The following SDK1 variants were observed in gnomAD, a reference collection of about 807,000 sequenced individuals.
SDK1 encodes sidekick cell adhesion molecule 1, also known as protein sidekick-1.
Under a neutral mutation model 245.5 loss-of-function variants are expected in SDK1, and 157 were observed. That is an observed-to-expected ratio of 0.64 (90% CI 0.56 to 0.73). The LOEUF (loss-of-function observed/expected upper bound fraction) is 0.73, where lower values mean the gene tolerates loss of function less well. Among genes scored for constraint, SDK1 ranks in the 30% least tolerant of loss-of-function variants. SDK1 has a pLI of 0.00. For missense variants in SDK1, 3,583 were observed against 3,002.3 expected, an observed-to-expected ratio of 1.19 and a Z score of -4.52; for synonymous variants, 1,647 against 1,278.5, an observed-to-expected ratio of 1.29 and a Z score of -6.15.
chr7:3,755,909 A>G (rs1479996408), intron 4 of SDK1, among the ~76,000 whole-genome samples: 4 of 151,464 alleles, frequency 2.6e-5, no homozygotes, highest in African/African-American at 9.7e-5. Flanking sequence ...AATCTGACTC[A>G]CATGGCATAG....
chr7:3,545,144 T>C (rs182019896), intron 1 of SDK1, among the ~76,000 whole-genome samples: 1 of 152,164 alleles, frequency 6.6e-6, no homozygotes, highest in African/African-American at 2.4e-5. Flanking sequence ...AAGCCAACTT[T>C]AGGAGAGAGT....
Position 4,113,343 on chromosome 7 carries a change from C to T in SDK1, c.3489C>T (p.Ser1163=), listed in dbSNP as rs1296960851. The change falls in exon 24 of 45, where the codon TCC becomes TCT. Residue 1163 remains serine, a synonymous_variant. Transcript: ENST00000404826. ...IVGPSPYSPS[S]RVIQTLQAPP... is the part of the protein sequence containing the mutation. ...GGCCGAGCCCCTACAGTCCGTCTTC[C>T]CGGGTCATCCAGACCCTGCAGGCCC... 6.2e-7 allele frequency: 1 copy of T among 1,614,034 alleles called. No individual in the cohort carries two copies. The highest frequency in any genetic ancestry group is 8.5e-7 in the Non-Finnish European group (1 of 1,180,040).
rs1037204482 is a variant in SDK1 at position 3,491,777 on chromosome 7, G to A, written c.299-127303G>A. ...AGCTGGAACAATAAATACAAATTTC[G>A]TTGGCAAGACAAATACTTTTTCTCA... On this transcript the variant is annotated intron_variant, in intron 1 of 44. Transcript: ENST00000404826. 4.6e-5 allele frequency among the ~76,000 whole-genome samples: 7 copies of A among 152,104 alleles called. No homozygotes were observed. The South Asian group carries it at 8.3e-4, about 18-fold the overall frequency.
chr7:3,498,978 A>G (rs936155480), intron 1 of SDK1, among the ~76,000 whole-genome samples: 1 of 152,182 alleles, frequency 6.6e-6, no homozygotes, highest in Non-Finnish European at 1.5e-5. Flanking sequence ...TTATTGGTTG[A>G]TTGGTAAGAA....
chr7:3,952,894 G>C (rs755412994), intron 7 of SDK1, among the ~76,000 whole-genome samples: 1 of 152,188 alleles, frequency 6.6e-6, no homozygotes, highest in Non-Finnish European at 1.5e-5. Flanking sequence ...GTTAAGTTGT[G>C]AGGCAAGTGA....
intron 1 of SDK1, chr7:3,338,631 C>CAAA (rs5881978): frequency 5.4e-6 from 1 of 185,478 alleles, no homozygotes; most frequent in Non-Finnish European, 1.1e-5. Flanking sequence ...AACAAACAAA[C>CAAA]AAAAAAAAAC....
Position 4,205,891 on chromosome 7 carries a change from C to T in SDK1, c.5111C>T (p.Ala1704Val). 2 of 1,554,484 alleles carry T rather than the reference C, an allele frequency of 1.3e-6. No homozygotes were observed. The highest frequency in any genetic ancestry group is 1.7e-4 in the Middle Eastern group (1 of 5,992). ...GCTCTTTCCTCAGCCCCGGCCATGG[C>T]CCCGCAGAACGTGCAGGTGACCCCA... ...VFVGEAAPAM[A>V]PQNVQVTPLT... The change falls in exon 36 of 45, where the codon GCC becomes GTC. Residue 1704 changes from alanine (A) to valine (V), a missense_variant. Transcript: ENST00000404826.
chr7:3,865,975 C>G (rs991678542), intron 5 of SDK1, among the ~76,000 whole-genome samples: 4 of 152,150 alleles, frequency 2.6e-5, no homozygotes, highest in Non-Finnish European at 4.4e-5. Flanking sequence ...AGCAGCGGAC[C>G]TGCTGGTACA....
At chr7:3,539,720 C>T (rs913482645) in intron 1 of SDK1, among the ~76,000 whole-genome samples, 1 of 152,224 alleles carries the variant, frequency 6.6e-6, no homozygotes, top group African/African-American at 2.4e-5. Context: ...TCATCCACAT[C>T]AGGGTGAGTA....
chr7:3,707,137 T>C (rs745408953), intron 4 of SDK1, among the ~76,000 whole-genome samples: 5 of 152,226 alleles, frequency 3.3e-5, no homozygotes, highest in Non-Finnish European at 7.3e-5. Flanking sequence ...CCTTGAGATA[T>C]GACATTAGAT....
intron 19 of SDK1, among the ~76,000 whole-genome samples, chr7:4,056,889 G>A (rs900187567): frequency 6.6e-5 from 10 of 151,928 alleles, no homozygotes; most frequent in Admixed American, 3.3e-4. Flanking sequence ...CCCGGCTCCC[G>A]ACAGCCTCTG....
At chr7:3,912,215 G>A (rs888276213) in intron 5 of SDK1, among the ~76,000 whole-genome samples, 4 of 152,184 alleles carry the variant, frequency 2.6e-5, no homozygotes, top group Non-Finnish European at 5.9e-5. Context: ...GAGAGGATGA[G>A]CCAGTGGATC....
At chr7:3,434,400 G>C (rs1354157870) in intron 1 of SDK1, among the ~76,000 whole-genome samples, 1 of 152,152 alleles carries the variant, frequency 6.6e-6, no homozygotes, top group South Asian at 2.1e-4. Context: ...GAGGCTATGT[G>C]CCCTACGCCA....
chr7:3,364,551 G>A (rs998923339), intron 1 of SDK1, among the ~76,000 whole-genome samples: 3 of 151,934 alleles, frequency 2.0e-5, no homozygotes, highest in African/African-American at 7.2e-5. Context: ...TTTCTCCATT[G>A]AATTTTTTTT....
At chr7:3,821,357 G>A in intron 4 of SDK1, 93 bp from the exon 5 acceptor site, 8 of 1,386,326 alleles carry the variant, frequency 5.8e-6, no homozygotes, top group Non-Finnish European at 6.9e-6. Context: ...TAAACTCTAG[G>A]CATTCCTTTA....
intron 10 of SDK1, among the ~76,000 whole-genome samples, chr7:3,967,665 G>A (rs1782183460): frequency 6.6e-6 from 1 of 152,230 alleles, no homozygotes; most frequent in Admixed American, 6.5e-5. Context: ...GGATGAAACT[G>A]TTCCATCTCA....
chr7:3,472,448 A>G (rs764720946), intron 1 of SDK1, among the ~76,000 whole-genome samples: 1 of 152,210 alleles, frequency 6.6e-6, no homozygotes, highest in Non-Finnish European at 1.5e-5. Context: ...GGACAAGGCT[A>G]ACTAAAAAGT....
At chr7:3,577,241 A>T (rs1255052491) in intron 1 of SDK1, among the ~76,000 whole-genome samples, 2 of 151,992 alleles carry the variant, frequency 1.3e-5, no homozygotes, top group African/African-American at 4.8e-5. Flanking sequence ...TCTACAAATC[A>T]TCACATGGTC....
chr7:3,622,849 G>A (rs1781986104), intron 2 of SDK1, among the ~76,000 whole-genome samples: 1 of 152,092 alleles, frequency 6.6e-6, no homozygotes, highest in African/African-American at 2.4e-5. Flanking sequence ...TATGTTCCAC[G>A]AGGGCCTCAG....
Sources: gnomAD v4.1 joint callset for allele counts (sites outside exome capture counted in the v4.1 genomes callset) on GRCh38, gnomAD v4.1.1 for gene constraint, MANE v1.5 for transcripts, NCBI Gene and HGNC (gene_info 2026-07-23, HGNC 2026-07-21) for gene names.